Variants in COL11A1 observed in about 807,000 individuals in gnomAD.
COL11A1 encodes collagen type XI alpha 1 chain.
Under a neutral mutation model 265.2 loss-of-function variants are expected in COL11A1, and 74 were observed. The ratio of observed to expected loss-of-function variants is 0.28; its 90% CI spans 0.23 to 0.34. The LOEUF (loss-of-function observed/expected upper bound fraction) is 0.34. Among genes scored for constraint, COL11A1 ranks in the 10% least tolerant of loss-of-function variants. The pLI is 1.00. For missense variants in COL11A1, 2,165 were observed against 2,263.6 expected (o/e 0.96, Z 0.88); for synonymous variants, 816 against 727.6 (o/e 1.12, Z -1.96).
chr1:103,002,382 A>C, intron 23 of COL11A1, 46 bp downstream of exon 23: 3 of 1,480,330 alleles, frequency 2.0e-6, no homozygotes, highest in Non-Finnish European at 2.8e-6. Context: ...GAAAGATAGC[A>C]TCTTCCCCCC....
At chr1:102,899,775 G>T (rs531491302) in intron 54 of COL11A1, among the ~76,000 whole-genome samples, 20 of 152,200 alleles carry the variant, frequency 1.3e-4, no homozygotes, top group South Asian at 4.2e-4. Context: ...TGGGGTTGGT[G>T]GTTGCAGAGA....
At chr1:103,035,849 G>A (rs576333964) in intron 4 of COL11A1, among the ~76,000 whole-genome samples, 1 of 151,854 alleles carries the variant, frequency 6.6e-6, no homozygotes, top group East Asian at 1.9e-4. Flanking sequence ...TTAAGTAGGA[G>A]CATCTCTAAT....
intron 49 of COL11A1, among the ~76,000 whole-genome samples, chr1:102,917,473 C>A (rs1294779177): frequency 6.6e-6 from 1 of 151,758 alleles, no homozygotes; most frequent in Admixed American, 6.6e-5. Flanking sequence ...GCAAAAGAAA[C>A]CCCCAACTAG....
Position 102,962,769 on chromosome 1 carries a change from G to C in COL11A1, c.2917-9C>G, listed in dbSNP as rs1283544537. On this transcript the variant is annotated splice_polypyrimidine_tract_variant and intron_variant, in intron 38 of 66. Transcript: ENST00000370096. ...GTCTCACCGGTTGGTCCCTAAATTA[G>C]ATAAGCAAAATCACTTTAGATTGCT... 6.2e-7 allele frequency: 1 copy of C among 1,612,640 alleles called. No individual in the cohort carries two copies. Among genetic ancestry groups the C allele is most frequent in the African/African-American group, 1.3e-5 (1 of 75,002 alleles).
chr1:102,999,564 A>G (rs148991669), intron 24 of COL11A1, among the ~76,000 whole-genome samples: 2 of 151,940 alleles, frequency 1.3e-5, no homozygotes, highest in Non-Finnish European at 2.9e-5. Flanking sequence ...TGTATTTGGT[A>G]TATTTATCAA....
intron 46 of COL11A1, among the ~76,000 whole-genome samples, chr1:102,923,829 A>G (rs1406975554): frequency 1.3e-5 from 2 of 152,024 alleles, no homozygotes; most frequent in Non-Finnish European, 2.9e-5. Flanking sequence ...AAGGTTATAA[A>G]TATCTTCTGA....
chr1:102,903,811 A>G (rs1272906255), intron 54 of COL11A1, among the ~76,000 whole-genome samples: 1 of 152,022 alleles, frequency 6.6e-6, no homozygotes, highest in Non-Finnish European at 1.5e-5. Context: ...TGGTATAGAC[A>G]AAGTGACCTC....
chr1:103,102,624 G>A (rs1674370633), intron 1 of COL11A1, among the ~76,000 whole-genome samples: 1 of 151,866 alleles, frequency 6.6e-6, no homozygotes, highest in Non-Finnish European at 1.5e-5. Context: ...TTCTCCAAAA[G>A]TAAGGAGAAA....
chr1:103,011,121 C>G (rs2786120), intron 14 of COL11A1, among the ~76,000 whole-genome samples: 10,421 of 152,224 alleles, frequency 0.068, 434 homozygotes, highest in Middle Eastern at 0.17. Flanking sequence ...TACAACATTA[C>G]AGTCTTAAGT....
At chr1:103,061,950 C>T (rs1670708036) in intron 4 of COL11A1, among the ~76,000 whole-genome samples, 2 of 151,684 alleles carry the variant, frequency 1.3e-5, no homozygotes, top group South Asian at 4.1e-4. Context: ...TCTAGCTAAG[C>T]CAACTAAGTA....
chr1:102,927,285 T>C (rs1211213986), intron 46 of COL11A1, among the ~76,000 whole-genome samples: 1 of 152,160 alleles, frequency 6.6e-6, no homozygotes, highest in Non-Finnish European at 1.5e-5. Context: ...ATGTGGGACC[T>C]CAATATCATT....
At chr1:102,891,442 C>G (rs1326538903) in intron 57 of COL11A1, among the ~76,000 whole-genome samples, 2 of 150,986 alleles carry the variant, frequency 1.3e-5, no homozygotes, top group Non-Finnish European at 3.0e-5. Context: ...TTTAATAGTC[C>G]CAGACTAAGA....
At chr1:102,904,013 C>T (rs1653571872) in intron 54 of COL11A1, among the ~76,000 whole-genome samples, 1 of 152,134 alleles carries the variant, frequency 6.6e-6, no homozygotes, top group Non-Finnish European at 1.5e-5. Flanking sequence ...AGGCTCATGT[C>T]ATCATACCTG....
Position 103,074,796 on chromosome 1 carries a change from A to T in COL11A1, c.489-16T>A, listed in dbSNP as rs371086230. On this transcript the variant is annotated splice_polypyrimidine_tract_variant and intron_variant, in intron 3 of 66. Coordinates refer to ENST00000370096, the MANE Select transcript of COL11A1 (RefSeq NM_001854.4). ...CCGATGCCACCTAAAAAAGACAAGT[A>T]ATTCTTTTGTAAGCTTCAAAGAAAC... is the stretch of plus-strand genomic sequence containing the variant. The T allele has an allele frequency of 1.2e-6, 2 of 1,612,594 alleles. No individual in the cohort carries two copies. The highest frequency in any genetic ancestry group is 1.7e-6 in the Non-Finnish European group (2 of 1,179,170).
chr1:102,984,049 T>C (rs1421730923), intron 31 of COL11A1, 89 bp downstream of exon 31: 5 of 942,006 alleles, frequency 5.3e-6, no homozygotes, highest in Non-Finnish European at 8.5e-6. Flanking sequence ...CATGATAATA[T>C]AGAGATGTTA....
chr1:102,931,890 T>C (rs1018347446), intron 46 of COL11A1, among the ~76,000 whole-genome samples: 9 of 151,604 alleles, frequency 5.9e-5, no homozygotes, highest in African/African-American at 2.2e-4. Flanking sequence ...TTAAAGTCTG[T>C]TTTATCAGAG....
intron 4 of COL11A1, among the ~76,000 whole-genome samples, chr1:103,070,796 C>T (rs1671524230): frequency 6.6e-6 from 1 of 151,836 alleles, no homozygotes; most frequent in South Asian, 2.1e-4. Flanking sequence ...AAGGTTATCT[C>T]CATCTTATAA....
At chr1:103,088,976 G>C (rs546763335) in intron 1 of COL11A1, among the ~76,000 whole-genome samples, 4 of 152,000 alleles carry the variant, frequency 2.6e-5, no homozygotes, top group Admixed American at 1.3e-4. Flanking sequence ...CTATCGACTC[G>C]CCCATCCTGA....
intron 63 of COL11A1, among the ~76,000 whole-genome samples, chr1:102,884,078 A>G (rs1245004303): frequency 6.6e-6 from 1 of 152,180 alleles, no homozygotes; most frequent in Non-Finnish European, 1.5e-5. Context: ...ATATACATGT[A>G]AACATTACTT....
Sources: gnomAD v4.1 joint callset for allele counts (sites outside exome capture counted in the v4.1 genomes callset) on GRCh38, gnomAD v4.1.1 for gene constraint, MANE v1.5 for transcripts, NCBI Gene and HGNC (gene_info 2026-07-23, HGNC 2026-07-21) for gene names.